RAG2: variants seen among roughly 807,000 people sequenced by gnomAD.
RAG2 encodes recombination activating 2, also known as V(D)J recombination-activating protein 2.
A neutral mutation model predicts 31.8 loss-of-function variants in RAG2; 16 were observed. The ratio of observed to expected loss-of-function variants is 0.50; its 90% CI spans 0.34 to 0.76. The LOEUF (loss-of-function observed/expected upper bound fraction) is 0.76. Among genes scored for constraint, RAG2 ranks in the 30% least tolerant of loss-of-function variants. RAG2 has a pLI of 0.01. For missense variants in RAG2, 622 were observed against 628.5 expected (o/e 0.99, Z 0.11); for synonymous variants, 199 against 215.9 (o/e 0.92, Z 0.68).
rs1255024201 is a variant in RAG2 at position 36,593,037 on chromosome 11, A to G, written c.1132T>C (p.Phe378Leu). Residue 378 changes from phenylalanine to leucine, a missense_variant, in exon 2 of 2, where the codon TTT (phenylalanine) becomes CTT (leucine). Coordinates refer to ENST00000311485, the MANE Select transcript of RAG2 (RefSeq NM_000536.4). ...STEDPGDSTP[F>L]EDSEEFCFSA... ...AAACAAAATTCTTCAGAGTCTTCAA[A>G]GGGAGTGGAATCCCCTGGATCTTCT... 1 of 1,614,078 alleles carries G rather than the reference A, an allele frequency of 6.2e-7. No homozygotes were observed. The highest frequency in any genetic ancestry group is 1.7e-5 in the Admixed American group (1 of 60,004).
At chr11:36,595,878 G>A (rs1851206039) in intron 1 of RAG2, among the ~76,000 whole-genome samples, 1 of 152,260 alleles carries the variant, frequency 6.6e-6, no homozygotes, top group Admixed American at 6.5e-5. Context: ...AATCAGGTCA[G>A]TGGGTATAGA....
At chr11:36,594,295 C>T in intron 1 of RAG2, 100 bp from the exon 2 acceptor site, 1 of 809,468 alleles carries the variant, frequency 1.2e-6, no homozygotes, top group South Asian at 1.5e-5. Context: ...AGTCCTCCCA[C>T]ACGCTTGCAG....
rs2133310375 is a variant in RAG2, at chr11:36,592,532, T to C, written c.*53A>G. The C allele has an allele frequency of 6.3e-7, 1 of 1,592,968 alleles. No individual in the cohort carries two copies. Among genetic ancestry groups the C allele is most frequent in the Non-Finnish European group, 8.6e-7 (1 of 1,167,948 alleles). ...ATTTTTAAAATCAATGTTATGATTT[T>C]AAAAATAGATTCAAAAATTCCATAC... is the stretch of plus-strand genomic sequence containing the variant. On this transcript the variant is annotated 3_prime_UTR_variant, in exon 2 of 2. Coordinates refer to ENST00000311485, the MANE Select transcript of RAG2 (RefSeq NM_000536.4).
intron 1 of RAG2, among the ~76,000 whole-genome samples, chr11:36,595,929 T>C (rs755424663): frequency 3.9e-5 from 6 of 152,180 alleles, no homozygotes; most frequent in Non-Finnish European, 7.3e-5. Flanking sequence ...TAAACATATA[T>C]GATGAGGGTG....
chr11:36,595,035 T>A (rs1023290798), intron 1 of RAG2: 5 of 152,210 alleles, frequency 3.3e-5, no homozygotes, highest in African/African-American at 9.7e-5. Context: ...CTGTTAAAGA[T>A]GTTTACCACT....
At chr11:36,596,849 G>A (rs1193522719) in intron 1 of RAG2, among the ~76,000 whole-genome samples, 1 of 152,146 alleles carries the variant, frequency 6.6e-6, no homozygotes, top group Non-Finnish European at 1.5e-5. Flanking sequence ...GTGGCTTCTC[G>A]TAAGTGAAAA....
chr11:36,593,447 G>A lies in RAG2; in HGVS notation c.722C>T (p.Pro241Leu), dbSNP rs1238278809. Residue 241 changes from proline (P) to leucine (L), a missense_variant, in exon 2 of 2, where the codon CCC becomes CTC. By Grantham distance (98) the Pro-to-Leu change is moderately conservative. Transcript: ENST00000311485. ...GCAATTCACAGCTGGGCTACCCAGG[G>A]GAAGATCAACCCTTATTCTGTACAG... ...ANLYRIRVDLPLGSPAVNCTV... is the reference protein window; with the variant it reads ...ANLYRIRVDLLLGSPAVNCTV... The A allele has an allele frequency of 6.8e-6, 11 of 1,613,812 alleles. No homozygotes were observed. The highest frequency in any genetic ancestry group is 1.7e-5 in the Admixed American group (1 of 60,004).
In RAG2 at chr11:36,592,608, A is replaced by T; in HGVS notation, c.1561T>A (p.Phe521Ile). ...GKILTPAKKS[F>I]LRRLFD ...AACTAATCAAACAACCTTCTAAGAA[A>T]GGATTTCTTGGCAGGAGTCAAGATT... The change falls in exon 2 of 2, where the codon TTT (phenylalanine) becomes ATT (isoleucine). Residue 521 changes from phenylalanine (F) to isoleucine (I), a missense_variant. By Grantham distance (21) the Phe-to-Ile change is conservative. Transcript: ENST00000311485. The T allele has an allele frequency of 6.2e-7, 1 of 1,614,166 alleles. No individual in the cohort carries two copies. Among genetic ancestry groups the T allele is most frequent in the African/African-American group, 1.3e-5 (1 of 75,054 alleles).
At chr11:36,597,963 A>G (rs1851345317) in intron 1 of RAG2, 139 bp downstream of exon 1, 1 of 152,070 alleles carries the variant, frequency 6.6e-6, no homozygotes, top group Non-Finnish European at 1.5e-5. Context: ...TCCAAATTCT[A>G]CTCATCCCTT....
At position 36,592,299 on chromosome 11, in the gene RAG2, C is replaced by A. The variant is rs539728776; in HGVS notation, c.*286G>T. ...CATACCTCGATGATTATTACTGCTT[C>A]TGGGTGTTTAAGGTTTGTTGAATAA... On this transcript the variant is annotated 3_prime_UTR_variant, in exon 2 of 2. Transcript: ENST00000311485. 1.2e-5 allele frequency: 5 copies of A among 408,470 alleles called. No individual in the cohort carries two copies. Among genetic ancestry groups the A allele is most frequent in the Middle Eastern group, 7.2e-4 (1 of 1,386 alleles). 25.3% of individuals were successfully genotyped at this position (408,470 alleles called of 1,614,324 possible). A position where few individuals can be genotyped will look rare whatever the true frequency, so the allele number is the denominator to read the frequency against.
rs370666759 is a variant in RAG2, at chr11:36,593,256, G to C, written c.913C>G (p.Pro305Ala). 4 of 1,614,136 alleles carry C rather than the reference G, an allele frequency of 2.5e-6. No homozygotes were observed. The highest frequency in any genetic ancestry group is 3.4e-6 in the Non-Finnish European group (4 of 1,180,020). The change falls in exon 2 of 2, where the codon CCA becomes GCA. Residue 305 changes from proline to alanine, a missense_variant. Pro to Ala is a conservative substitution (Grantham distance 27). Transcript: ENST00000311485. ...TGCTTAATGTCTGGGGTCCAATCTG[G>C]GGTCTCCATCTCACGAATTTCTATC... ...NKIEIREMET[P>A]DWTPDIKHSK...
At position 36,594,406 on chromosome 11, in the gene RAG2, A is replaced by T. The variant is rs1851119761; in HGVS notation, c.-27-211T>A. ...GAGCTGGGACATGTTTTAGCCACGG[A>T]CTATATGCTCCCTAGGATTTCTGGG... On this transcript the variant is annotated intron_variant, in intron 1 of 1. Coordinates refer to ENST00000311485, the MANE Select transcript of RAG2 (RefSeq NM_000536.4). The T allele has an allele frequency of 2.8e-5, 16 of 571,156 alleles. No individual in the cohort carries two copies. The South Asian group carries it at 3.0e-4, about 11-fold the overall frequency. 35.4% of individuals were successfully genotyped at this position (571,156 alleles called of 1,614,324 possible).
At position 36,593,487 on chromosome 11, in the gene RAG2, T is replaced by A. The variant is rs763291155; in HGVS notation, c.682A>T (p.Ile228Phe). The A allele has an allele frequency of 6.2e-7, 1 of 1,614,080 alleles. No individual in the cohort carries two copies. Among genetic ancestry groups the A allele is most frequent in the Middle Eastern group, 1.6e-4 (1 of 6,062 alleles). The stretch of plus-strand genomic sequence containing the variant: ...ATTCTGTACAGGTTGGCAGGCCGGA[T>A]ATTATTGGCAAGTGAATGTCCTCCT... ...ILGGHSLANN[I>F]RPANLYRIRV... The change falls in exon 2 of 2, where the codon ATC (isoleucine) becomes TTC (phenylalanine). Residue 228 changes from isoleucine to phenylalanine, a missense_variant. Coordinates refer to ENST00000311485, the MANE Select transcript of RAG2 (RefSeq NM_000536.4).
intron 1 of RAG2, 103 bp from the exon 2 acceptor site, chr11:36,594,298 G>C: frequency 1.3e-6 from 1 of 771,332 alleles, no homozygotes; most frequent in Admixed American, 2.0e-5. Context: ...CCTCCCACAC[G>C]CTTGCAGTGG....
rs143811003 is a variant in RAG2, at chr11:36,595,804, C to T, written c.-27-1609G>A. 2.5e-4 allele frequency among the ~76,000 whole-genome samples: 38 copies of T among 152,330 alleles called. No individual in the cohort carries two copies. The East Asian group carries it at 5.2e-3, about 21-fold the overall frequency. ...TACCAAAAATAAGGTCTAGTGCATA[C>T]GCACCTGCCAGTAATGGCAGTTGAT... On this transcript the variant is annotated intron_variant, in intron 1 of 1. Coordinates refer to ENST00000311485, the MANE Select transcript of RAG2 (RefSeq NM_000536.4).
chr11:36,595,692 C>T (rs1851194141), intron 1 of RAG2, among the ~76,000 whole-genome samples: 1 of 152,186 alleles, frequency 6.6e-6, no homozygotes, highest in South Asian at 2.1e-4. Flanking sequence ...ATATTGATGT[C>T]AGTTATGATT....
In RAG2 at chr11:36,593,075, CTGTT is replaced by C. The variant is rs756470858; in HGVS notation, c.1090_1093del (p.Asn364ValfsTer79). On this transcript the variant is annotated frameshift_variant, in exon 2 of 2. Transcript: ENST00000311485. LOFTEE classifies it high-confidence loss of function. ...CCCTGGATCTTCTGTTGATGTTTGA[CTGTT>C]TGTGAATGTTGTCTGCTCTTCATTA... The C allele has an allele frequency of 3.1e-6, 5 of 1,614,148 alleles. No homozygotes were observed. The highest frequency in any genetic ancestry group is 1.7e-5 in the Admixed American group (1 of 60,024).
intron 1 of RAG2, among the ~76,000 whole-genome samples, chr11:36,596,225 T>TTG (rs1564999442): frequency 6.7e-6 from 1 of 149,946 alleles, no homozygotes; most frequent in African/African-American, 2.4e-5. Flanking sequence ...TTTTTTTGTT[T>TTG]TTTTTTTTTT....
chr11:36,597,679 A>T (rs565734911), intron 1 of RAG2: 14 of 152,120 alleles, frequency 9.2e-5, no homozygotes, highest in Non-Finnish European at 1.6e-4. Flanking sequence ...AATCTTGCTG[A>T]TCCGTGCTGG....
Sources: allele counts gnomAD v4.1 joint callset (sites outside exome capture counted in the v4.1 genomes callset), GRCh38; gene constraint gnomAD v4.1.1; transcripts MANE v1.5; gene names NCBI Gene and HGNC (gene_info 2026-07-23, HGNC 2026-07-21).